Variants in DGKB observed in about 807,000 individuals in gnomAD.
DGKB encodes the protein 90 kDa diacylglycerol kinase.
DGKB carries 67 observed loss-of-function variants against 114.3 expected under a neutral mutation model. The ratio of observed to expected loss-of-function variants is 0.59; its 90% CI spans 0.48 to 0.72. The LOEUF is 0.72. Among genes scored for constraint, DGKB ranks in the 30% least tolerant of loss-of-function variants. DGKB has a pLI of 0.00. For synonymous variants in DGKB, 398 were observed against 323.1 expected (o/e 1.23, Z -2.49); for missense variants, 907 against 975.2 (o/e 0.93, Z 0.93).
intron 20 of DGKB, among the ~76,000 whole-genome samples, chr7:14,548,834 A>G (rs1178170702): frequency 6.6e-6 from 1 of 152,084 alleles, no homozygotes; most frequent in African/African-American, 2.4e-5. Flanking sequence ...GGACTATATA[A>G]ATAAAAACAG....
chr7:14,883,831 T>G (rs1854610910), intron 1 of DGKB, among the ~76,000 whole-genome samples: 1 of 152,006 alleles, frequency 6.6e-6, no homozygotes. Flanking sequence ...ACATATACAT[T>G]TTTTTCTTTT....
intron 23 of DGKB, among the ~76,000 whole-genome samples, chr7:14,208,486 C>T (rs781576663): frequency 3.9e-4 from 59 of 152,012 alleles, no homozygotes; most frequent in Non-Finnish European, 1.5e-4. Flanking sequence ...AGTTTCCCTC[C>T]CTTTTGCTGG....
chr7:14,883,329 T>C (rs554408836), intron 1 of DGKB, among the ~76,000 whole-genome samples: 99 of 152,072 alleles, frequency 6.5e-4, no homozygotes, highest in Non-Finnish European at 7.1e-4. Flanking sequence ...TCAATAAAAT[T>C]AGGAAGCAAG....
At chr7:14,492,838 C>T (rs1194601066) in intron 20 of DGKB, among the ~76,000 whole-genome samples, 2 of 151,720 alleles carry the variant, frequency 1.3e-5, no homozygotes, top group Non-Finnish European at 2.9e-5. Context: ...AAGTACATGA[C>T]AAAAAAGGGT....
chr7:14,285,383 A>G (rs2128462907), intron 23 of DGKB, among the ~76,000 whole-genome samples: 1 of 152,328 alleles, frequency 6.6e-6, no homozygotes, highest in South Asian at 2.1e-4. Flanking sequence ...GGATGTAGTA[A>G]GTAAATGTCT....
At chr7:14,399,802 C>A (rs1338560293) in intron 21 of DGKB, among the ~76,000 whole-genome samples, 1 of 151,736 alleles carries the variant, frequency 6.6e-6, no homozygotes, top group African/African-American at 2.4e-5. Context: ...CAAAAAGAGA[C>A]AGAATAGGGA....
chr7:14,691,960 T>C (rs1822946274), intron 9 of DGKB, among the ~76,000 whole-genome samples: 1 of 151,952 alleles, frequency 6.6e-6, no homozygotes, highest in Non-Finnish European at 1.5e-5. Context: ...AAAAAGTAAA[T>C]TATGTACAGT....
rs116782204 is a variant in DGKB at position 14,813,877 on chromosome 7, G to T, written c.70+27317C>A. On this transcript the variant is annotated intron_variant, in intron 2 of 25. Coordinates refer to ENST00000402815, the MANE Select transcript of DGKB (RefSeq NM_001350709.2). ...AACTAAGAAATGAAATTATTTGCTT[G>T]TGTTTTTATATTATGTGTTTGCTTT... is the stretch of plus-strand genomic sequence containing the variant. 5.9e-3 allele frequency among the ~76,000 whole-genome samples: 902 copies of T among 152,086 alleles called. 3 individuals are homozygous for T. Among genetic ancestry groups the T allele is most frequent in the African/African-American group, 0.021 (864 of 41,524 alleles).
intron 17 of DGKB, among the ~76,000 whole-genome samples, chr7:14,601,121 C>G (rs1474946539): frequency 2.0e-5 from 3 of 152,192 alleles, no homozygotes; most frequent in Non-Finnish European, 4.4e-5. Context: ...GAGTTAGCAC[C>G]AGCTGGATGC....
intron 1 of DGKB, among the ~76,000 whole-genome samples, chr7:14,852,296 G>C (rs9648191): frequency 6.7e-6 from 1 of 149,062 alleles, no homozygotes; most frequent in Non-Finnish European, 1.5e-5. Context: ...GTGTGTGTGT[G>C]TTTGTGTGTG....
At chr7:14,236,862 T>A (rs962910136) in intron 23 of DGKB, among the ~76,000 whole-genome samples, 1 of 151,902 alleles carries the variant, frequency 6.6e-6, no homozygotes, top group Non-Finnish European at 1.5e-5. Flanking sequence ...CTAAACATTT[T>A]CAGAATTTAA....
chr7:14,894,326 G>A (rs577003140), intron 1 of DGKB, among the ~76,000 whole-genome samples: 2 of 151,368 alleles, frequency 1.3e-5, no homozygotes, highest in Admixed American at 6.6e-5. Context: ...TAACTCATGA[G>A]GATCAGCAAA....
At chr7:14,289,118 G>T (rs1584953281) in intron 23 of DGKB, among the ~76,000 whole-genome samples, 1 of 151,988 alleles carries the variant, frequency 6.6e-6, no homozygotes, top group East Asian at 1.9e-4. Flanking sequence ...CTTTAAAAAT[G>T]ACTATAGATT....
At chr7:14,411,318 G>A (rs180815565) in intron 21 of DGKB, among the ~76,000 whole-genome samples, 1 of 152,156 alleles carries the variant, frequency 6.6e-6, no homozygotes, top group African/African-American at 2.4e-5. Flanking sequence ...TAGTTTTCAA[G>A]TTACAATGGA....
chr7:14,176,791 G>C (rs753402303), intron 25 of DGKB, 48 bp downstream of exon 25: 1 of 1,575,990 alleles, frequency 6.3e-7, no homozygotes, highest in Non-Finnish European at 8.6e-7. Flanking sequence ...AGTCAAAGAG[G>C]AAAGCAAAAC....
At chr7:14,853,434 A>G (rs1260718744) in intron 1 of DGKB, among the ~76,000 whole-genome samples, 2 of 151,792 alleles carry the variant, frequency 1.3e-5, no homozygotes, top group Non-Finnish European at 2.9e-5. Flanking sequence ...ACTAAAATCT[A>G]TAATATTGCC....
chr7:14,840,735 CA>C (rs1291900608), intron 2 of DGKB, among the ~76,000 whole-genome samples: 10 of 135,496 alleles, frequency 7.4e-5, no homozygotes, highest in Non-Finnish European at 1.4e-4. Flanking sequence ...CACACACACA[CA>C]CACACACACC....
At chr7:14,462,708 C>T (rs937132985) in intron 21 of DGKB, among the ~76,000 whole-genome samples, 1 of 152,148 alleles carries the variant, frequency 6.6e-6, no homozygotes, top group African/African-American at 2.4e-5. Context: ...ATCAAGCAAC[C>T]ATTGACTTTT....
chr7:14,396,048 A>G (rs1027518527), intron 21 of DGKB, among the ~76,000 whole-genome samples: 2 of 152,052 alleles, frequency 1.3e-5, no homozygotes, highest in Non-Finnish European at 2.9e-5. Context: ...CTGTAATTAT[A>G]TGACTATATC....
Sources: allele counts gnomAD v4.1 joint callset (sites outside exome capture counted in the v4.1 genomes callset), GRCh38; gene constraint gnomAD v4.1.1; transcripts MANE v1.5; gene names NCBI Gene and HGNC (gene_info 2026-07-23, HGNC 2026-07-21).